COL26A1: variants seen among roughly 807,000 people sequenced by gnomAD.
COL26A1 encodes the protein collagen alpha-1(XXVI) chain.
Under a neutral mutation model 59.3 loss-of-function variants are expected in COL26A1, and 41 were observed. The ratio of observed to expected loss-of-function variants is 0.69; its 90% CI spans 0.54 to 0.90. The LOEUF is 0.90. Among genes scored for constraint, COL26A1 ranks in the 40% least tolerant of loss-of-function variants. The pLI is 0.00. For synonymous variants in COL26A1, 266 were observed against 256.0 expected, an observed-to-expected ratio of 1.04 and a Z score of -0.37; for missense variants, 612 against 602.3, an observed-to-expected ratio of 1.02 and a Z score of -0.17.
At chr7:101,440,776 G>T (rs1339100157) in intron 2 of COL26A1, among the ~76,000 whole-genome samples, 3 of 152,320 alleles carry the variant, frequency 2.0e-5, no homozygotes, top group Non-Finnish European at 4.4e-5. Context: ...GGCCAGCCTG[G>T]CCGACATGGT....
At chr7:101,461,301 C>T (rs919402215) in intron 3 of COL26A1, among the ~76,000 whole-genome samples, 1 of 96,852 alleles carries the variant, frequency 1.0e-5, no homozygotes, top group African/African-American at 6.2e-5. Flanking sequence ...TCCTCCTCCT[C>T]CTCCTTCTTT....
chr7:101,432,773 G>T (rs756619530), intron 2 of COL26A1, among the ~76,000 whole-genome samples: 5 of 152,114 alleles, frequency 3.3e-5, no homozygotes, highest in Non-Finnish European at 7.4e-5. Flanking sequence ...CATGATCTCA[G>T]CTTACTGCAA....
chr7:101,454,439 A>G (rs756619462), intron 3 of COL26A1, among the ~76,000 whole-genome samples: 5 of 151,708 alleles, frequency 3.3e-5, no homozygotes, highest in Non-Finnish European at 4.4e-5. Flanking sequence ...TTGTATTTTT[A>G]GTAGAGACAG....
intron 1 of COL26A1, among the ~76,000 whole-genome samples, chr7:101,386,756 G>T (rs1791586237): frequency 6.6e-6 from 1 of 152,214 alleles, no homozygotes; most frequent in African/African-American, 2.4e-5. Context: ...GACCCGAAGT[G>T]AACCAGGAGT....
At chr7:101,525,097 C>A (rs1028513202) in intron 3 of COL26A1, among the ~76,000 whole-genome samples, 2 of 150,802 alleles carry the variant, frequency 1.3e-5, no homozygotes, top group Non-Finnish European at 3.0e-5. Flanking sequence ...GCCTTTGATG[C>A]CAGCTTTCTA....
Position 101,363,161 on chromosome 7 carries a change from C to T in COL26A1, c.129C>T (p.Gly43=), listed in dbSNP as rs972936657. The part of the protein sequence containing the change: ...QQHGYPEPGA[G]SPGSGYASRR... ...ACGGCTACCCCGAGCCCGGCGCCGG[C>T]TCCCCTGGCAGCGGCTACGCGAGCC... Residue 43 remains glycine, a synonymous_variant, in exon 1 of 13, where the codon GGC becomes GGT. Transcript: ENST00000313669. The T allele has an allele frequency of 6.6e-6, 10 of 1,509,390 alleles. No individual in the cohort carries two copies. The Admixed American group carries it at 8.1e-5, about 12-fold the overall frequency. 93.5% of individuals were successfully genotyped at this position (1,509,390 alleles called of 1,614,324 possible).
chr7:101,391,964 C>T (rs112834096), intron 1 of COL26A1, among the ~76,000 whole-genome samples: 37 of 151,960 alleles, frequency 2.4e-4, no homozygotes, highest in African/African-American at 8.2e-4. Flanking sequence ...GTGATCCTCC[C>T]GCCTCAGCTT....
intron 3 of COL26A1, among the ~76,000 whole-genome samples, chr7:101,527,613 C>T (rs1360808374): frequency 1.3e-5 from 2 of 152,156 alleles, no homozygotes; most frequent in Non-Finnish European, 1.5e-5. Context: ...GGATTACAGG[C>T]GTGAGCCACC....
intron 1 of COL26A1, among the ~76,000 whole-genome samples, chr7:101,373,848 C>G (rs1049943431): frequency 3.3e-5 from 5 of 152,202 alleles, no homozygotes; most frequent in Admixed American, 1.3e-4. Context: ...TCACTCCCCT[C>G]TTCCCCCAGC....
At chr7:101,477,372 TTGTG>T (rs1454017190) in intron 3 of COL26A1, among the ~76,000 whole-genome samples, 1 of 152,048 alleles carries the variant, frequency 6.6e-6, no homozygotes, top group Non-Finnish European at 1.5e-5. Flanking sequence ...AGTGTGAGGT[TTGTG>T]TGTGTGCAGT....
intron 3 of COL26A1, among the ~76,000 whole-genome samples, chr7:101,495,418 T>A (rs1344171092): frequency 6.6e-6 from 1 of 151,536 alleles, no homozygotes; most frequent in African/African-American, 2.4e-5. Flanking sequence ...GGAATTTTTT[T>A]TTTTTTTTAA....
intron 3 of COL26A1, among the ~76,000 whole-genome samples, chr7:101,486,938 C>G (rs1235542691): frequency 6.6e-5 from 10 of 152,210 alleles, no homozygotes; most frequent in Non-Finnish European, 1.5e-4. Context: ...CCATGGTCAT[C>G]AGACAGGCAC....
rs569940789 is a variant in COL26A1 at position 101,540,294 on chromosome 7, T to C, written c.604+245T>C. Reference sequence around the variant, plus strand: ...GGCTCATGCCTGTAATCCCAACACTTTGGGAGGCCGAGAAGGGTGGATCAT... The same window carrying C: ...GGCTCATGCCTGTAATCCCAACACTCTGGGAGGCCGAGAAGGGTGGATCAT... On this transcript the variant is annotated intron_variant, in intron 5 of 12. Transcript: ENST00000313669. 8.5e-5 allele frequency among the ~76,000 whole-genome samples: 13 copies of C among 152,250 alleles called. No individual in the cohort carries two copies. In the East Asian group the frequency reaches 1.7e-3, roughly 20 times the overall value.
At chr7:101,397,227 GTCT>G (rs1207942780) in intron 1 of COL26A1, among the ~76,000 whole-genome samples, 1 of 152,126 alleles carries the variant, frequency 6.6e-6, no homozygotes, top group Admixed American at 6.6e-5. Flanking sequence ...TGTTGTCTGT[GTCT>G]TCTCATTAGA....
chr7:101,483,347 G>A (rs1290807058), intron 3 of COL26A1, among the ~76,000 whole-genome samples: 2 of 150,142 alleles, frequency 1.3e-5, no homozygotes, highest in Non-Finnish European at 3.0e-5. Context: ...ACAGGCACAT[G>A]CCACCGTACT....
Position 101,363,017 on chromosome 7 carries a change from C to G in COL26A1, c.-16C>G. 6.4e-7 allele frequency: 1 copy of G among 1,566,590 alleles called. No homozygotes were observed. Among genetic ancestry groups the G allele is most frequent in the Non-Finnish European group, 8.6e-7 (1 of 1,166,208 alleles). ...TCGTGCCCGGGACTCCGGGTCCCCG[C>G]GGGCTGCTGCGCACGATGAAGCTGG... On this transcript the variant is annotated 5_prime_UTR_variant, in exon 1 of 13. Transcript: ENST00000313669.
intron 1 of COL26A1, among the ~76,000 whole-genome samples, chr7:101,387,491 A>T (rs1791604537): frequency 6.6e-6 from 1 of 151,342 alleles, no homozygotes; most frequent in Non-Finnish European, 1.5e-5. Flanking sequence ...TAAACTTTTT[A>T]TTATTTATAT....
At position 101,557,538 on chromosome 7, in the gene COL26A1, C is replaced by A; in HGVS notation, c.*8C>A. 1 of 1,603,310 alleles carries A rather than the reference C, an allele frequency of 6.2e-7. No homozygotes were observed. Among genetic ancestry groups the A allele is most frequent in the Non-Finnish European group, 8.5e-7 (1 of 1,172,994 alleles). On this transcript the variant is annotated 3_prime_UTR_variant, in exon 13 of 13. Transcript: ENST00000313669. ...GCCAGCAGCAGGAAGTGAGAGCCCA[C>A]TGCTCCAGGACACCCTGTCCTGGCT...
chr7:101,419,548 C>T (rs964926745), intron 1 of COL26A1, among the ~76,000 whole-genome samples: 3 of 152,160 alleles, frequency 2.0e-5, no homozygotes, highest in Non-Finnish European at 4.4e-5. Flanking sequence ...GTCGGTTGGT[C>T]GGTTGGCTAA....
Sources: allele counts gnomAD v4.1 joint callset (sites outside exome capture counted in the v4.1 genomes callset), GRCh38; gene constraint gnomAD v4.1.1; transcripts MANE v1.5; gene names NCBI Gene and HGNC (gene_info 2026-07-23, HGNC 2026-07-21).